The following ITGA9 variants were observed in gnomAD, a reference collection of about 807,000 sequenced individuals.
ITGA9 encodes the protein integrin alpha-9.
A neutral mutation model predicts 127.8 loss-of-function variants in ITGA9; 56 were observed. The observed-to-expected ratio is 0.44, with a 90% CI of 0.35 to 0.55. The LOEUF (loss-of-function observed/expected upper bound fraction) is 0.55, where lower values mean the gene tolerates loss of function less well. ITGA9 is among the 20% of genes least tolerant of loss of function. The pLI is 0.00. For missense variants in ITGA9, 1,196 were observed against 1,347.1 expected (o/e 0.89, Z 1.76); for synonymous variants, 508 against 514.5 (o/e 0.99, Z 0.17).
At chr3:37,616,478 G>C (rs1489685808) in intron 15 of ITGA9, among the ~76,000 whole-genome samples, 1 of 150,230 alleles carries the variant, frequency 6.7e-6, no homozygotes, top group African/African-American at 2.5e-5. Context: ...ATGTCTATTA[G>C]GTCCACTTGG....
chr3:37,558,512 A>G (rs1401696026), intron 15 of ITGA9, among the ~76,000 whole-genome samples: 1 of 152,134 alleles, frequency 6.6e-6, no homozygotes, highest in African/African-American at 2.4e-5. Flanking sequence ...TCAGTGATGT[A>G]GTGTCCTATG....
At chr3:37,662,485 C>T (rs907989621) in intron 17 of ITGA9, among the ~76,000 whole-genome samples, 3 of 152,012 alleles carry the variant, frequency 2.0e-5, no homozygotes, top group Admixed American at 6.6e-5. Flanking sequence ...GTCATTTTAC[C>T]CTCTATTCCT....
At chr3:37,570,049 C>T (rs1296940781) in intron 15 of ITGA9, among the ~76,000 whole-genome samples, 4 of 152,238 alleles carry the variant, frequency 2.6e-5, no homozygotes, top group African/African-American at 9.6e-5. Flanking sequence ...ACTGTGAGAG[C>T]CCAGCTCCCC....
Position 37,559,660 on chromosome 3 carries a change from G to C in ITGA9, c.1689+17075G>C, listed in dbSNP as rs1055964152. On this transcript the variant is annotated intron_variant, in intron 15 of 27. Transcript: ENST00000264741. ...TGCCTGTCCAGCTTACTTAAAATAT[G>C]TCAGAAAGAATGAGGGAATGACTCA... Among the ~76,000 whole-genome samples the C allele has an allele frequency of 5.8e-4, 89 of 152,318 alleles. 1 individual carries two copies. Among genetic ancestry groups the C allele is most frequent in the African/African-American group, 2.0e-3 (84 of 41,554 alleles).
chr3:37,561,011 A>G (rs998321200), intron 15 of ITGA9, among the ~76,000 whole-genome samples: 1 of 151,872 alleles, frequency 6.6e-6, no homozygotes, highest in African/African-American at 2.4e-5. Flanking sequence ...ATTTCCTCCT[A>G]TTCTAAGGAC....
At chr3:37,775,794 G>A (rs1027310607) in intron 23 of ITGA9, among the ~76,000 whole-genome samples, 1 of 152,108 alleles carries the variant, frequency 6.6e-6, no homozygotes, top group Non-Finnish European at 1.5e-5. Flanking sequence ...GCTAAAAGCA[G>A]AACTGCCAAT....
intron 18 of ITGA9, among the ~76,000 whole-genome samples, chr3:37,717,467 G>C (rs187155902): frequency 6.6e-6 from 1 of 152,306 alleles, no homozygotes; most frequent in East Asian, 1.9e-4. Flanking sequence ...AGGTTTAACT[G>C]ATTGACAGTT....
At chr3:37,664,848 T>C (rs1183599559) in intron 17 of ITGA9, among the ~76,000 whole-genome samples, 2 of 152,026 alleles carry the variant, frequency 1.3e-5, no homozygotes, top group Non-Finnish European at 2.9e-5. Flanking sequence ...GGAAGGTGAA[T>C]AGGAACTCAT....
At chr3:37,688,697 C>A (rs1018329457) in intron 18 of ITGA9, among the ~76,000 whole-genome samples, 2 of 152,156 alleles carry the variant, frequency 1.3e-5, no homozygotes, top group African/African-American at 4.8e-5. Context: ...AGGAATCACC[C>A]CCACCCCCCA....
chr3:37,734,445 G>A (rs1305163624), intron 19 of ITGA9, among the ~76,000 whole-genome samples: 1 of 152,158 alleles, frequency 6.6e-6, no homozygotes, highest in Non-Finnish European at 1.5e-5. Context: ...TCACATATCA[G>A]ACCTAAGATG....
chr3:37,641,315 A>G (rs189532525), intron 16 of ITGA9, among the ~76,000 whole-genome samples: 1 of 152,112 alleles, frequency 6.6e-6, no homozygotes, highest in Admixed American at 6.5e-5. Flanking sequence ...CCGCCCGTTC[A>G]TGGAAAAATT....
At chr3:37,766,554 G>T (rs1320307075) in intron 23 of ITGA9, among the ~76,000 whole-genome samples, 5 of 152,178 alleles carry the variant, frequency 3.3e-5, no homozygotes, top group Non-Finnish European at 7.4e-5. Context: ...AGCAATATAT[G>T]CAGGAAATGC....
Position 37,820,886 on chromosome 3 carries a change from G to C in ITGA9, c.*1897G>C, listed in dbSNP as rs1697506075. On this transcript the variant is annotated 3_prime_UTR_variant, in exon 28 of 28. Transcript: ENST00000264741. ...GGAAGCTAACACGTTGGGAGTCCGTGAACATTGTCAAAAAGACATCAAACT... is the reference window on the plus strand; with the variant it reads ...GGAAGCTAACACGTTGGGAGTCCGTCAACATTGTCAAAAAGACATCAAACT... 1 of 152,200 alleles carries C rather than the reference G, an allele frequency of 6.6e-6. No homozygotes were observed. Among genetic ancestry groups the C allele is most frequent in the Non-Finnish European group, 1.5e-5 (1 of 68,044 alleles). 9.4% of individuals were successfully genotyped at this position (152,200 alleles called of 1,614,324 possible). A position where few individuals can be genotyped will look rare whatever the true frequency, so the allele number is the denominator to read the frequency against.
intron 15 of ITGA9, among the ~76,000 whole-genome samples, chr3:37,578,571 C>T (rs1416939612): frequency 6.6e-6 from 1 of 152,182 alleles, no homozygotes; most frequent in Non-Finnish European, 1.5e-5. Flanking sequence ...CCCTCGGCTT[C>T]AACAGTCTTG....
intron 19 of ITGA9, among the ~76,000 whole-genome samples, chr3:37,734,224 A>G (rs1696331290): frequency 6.6e-6 from 1 of 152,222 alleles, no homozygotes; most frequent in South Asian, 2.1e-4. Flanking sequence ...TTACATGTGG[A>G]TGGCAGAGTA....
At chr3:37,735,302 C>T (rs1372642769) in intron 19 of ITGA9, among the ~76,000 whole-genome samples, 1 of 152,212 alleles carries the variant, frequency 6.6e-6, no homozygotes, top group Non-Finnish European at 1.5e-5. Flanking sequence ...TCCTTCTTGT[C>T]CTCTTCCCGC....
At position 37,698,518 on chromosome 3, in the gene ITGA9, G is replaced by A. The variant is rs34805262; in HGVS notation, c.2067+14503G>A. On this transcript the variant is annotated intron_variant, in intron 18 of 27. Coordinates refer to ENST00000264741, the MANE Select transcript of ITGA9 (RefSeq NM_002207.3). Reference sequence around the variant, plus strand: ...TATCTTGAATTAATTTTTGTATAAGGTGTAAGGAAGAGATCCCGTTTTCCA... The same window carrying A: ...TATCTTGAATTAATTTTTGTATAAGATGTAAGGAAGAGATCCCGTTTTCCA... 8.0e-3 allele frequency among the ~76,000 whole-genome samples: 1,212 copies of A among 152,266 alleles called. 8 individuals carry two copies. The highest frequency in any genetic ancestry group is 0.048 in the Middle Eastern group (14 of 294).
In ITGA9 at chr3:37,490,973, C is replaced by G. The variant is rs1006871093; in HGVS notation, c.545-3528C>G. 4.4e-4 allele frequency among the ~76,000 whole-genome samples: 59 copies of G among 133,200 alleles called. 3 individuals carry two copies. Among genetic ancestry groups the G allele is most frequent in the Non-Finnish European group, 6.4e-4 (40 of 62,656 alleles). The allele number at this position is 133,200 out of a possible 152,430, so 87.4% of individuals were successfully genotyped here. On this transcript the variant is annotated intron_variant, in intron 4 of 27. Coordinates refer to ENST00000264741, the MANE Select transcript of ITGA9 (RefSeq NM_002207.3). ...TGGGTCTCAGATTTGGCTTCCCCCC[C>G]GCTTTTTTTTTTTTTTTTTTTGAGA...
At chr3:37,708,692 C>G (rs1701040326) in intron 18 of ITGA9, among the ~76,000 whole-genome samples, 1 of 152,306 alleles carries the variant, frequency 6.6e-6, no homozygotes, top group Non-Finnish European at 1.5e-5. Flanking sequence ...AAAGAATTAT[C>G]CAGCCCCAAT....
Sources: gnomAD v4.1 joint callset for allele counts (sites outside exome capture counted in the v4.1 genomes callset) on GRCh38, gnomAD v4.1.1 for gene constraint, MANE v1.5 for transcripts, NCBI Gene and HGNC (gene_info 2026-07-23, HGNC 2026-07-21) for gene names.